Variants in NCALD observed in about 807,000 individuals in gnomAD.
The protein encoded by NCALD is neurocalcin delta, also known as neurocalcin-delta.
In NCALD, 10 loss-of-function variants were observed where a neutral mutation model predicts 18.6. That is an observed-to-expected ratio of 0.54 (90% CI 0.33 to 0.91). NCALD has a LOEUF of 0.91. NCALD is among the 40% of genes least tolerant of loss of function. NCALD has a pLI of 0.03. For synonymous variants in NCALD, 88 were observed against 87.4 expected (o/e 1.01, Z -0.04); for missense variants, 184 against 247.6 (o/e 0.74, Z 1.72).
chr8:101,925,788 G>A (rs978090329), intron 2 of NCALD, among the ~76,000 whole-genome samples: 1 of 152,146 alleles, frequency 6.6e-6, no homozygotes, highest in Non-Finnish European at 1.5e-5. Flanking sequence ...TTGACTAAAT[G>A]AATGCATGAG....
chr8:101,981,812 C>T (rs975912402), intron 2 of NCALD, among the ~76,000 whole-genome samples: 4 of 152,144 alleles, frequency 2.6e-5, no homozygotes, highest in African/African-American at 7.2e-5. Flanking sequence ...GGGTAGTTCA[C>T]GTCCTTATTT....
chr8:101,951,138 G>T (rs1819402066), intron 2 of NCALD, among the ~76,000 whole-genome samples: 1 of 152,114 alleles, frequency 6.6e-6, no homozygotes, highest in African/African-American at 2.4e-5. Flanking sequence ...TAGGTCACAG[G>T]TAGCAATATA....
chr8:101,804,317 A>C lies in NCALD; in HGVS notation c.-20+82824T>G, dbSNP rs571883677. On this transcript the variant is annotated intron_variant, in intron 4 of 6. Coordinates refer to the NCALD transcript ENST00000311028. ...TATTATATATAATTATATCAATTAT[A>C]TATTATATATAATTATATCAATTAT... Among the ~76,000 whole-genome samples, 5 of 103,360 alleles carry C rather than the reference A, an allele frequency of 4.8e-5. No individual in the cohort carries two copies. In the East Asian group the frequency reaches 1.3e-3, roughly 28 times the overall value. 67.8% of individuals were successfully genotyped at this position (103,360 alleles called of 152,430 possible).
At chr8:101,725,412 C>T (rs1351852418) in intron 1 of NCALD, among the ~76,000 whole-genome samples, 1 of 152,182 alleles carries the variant, frequency 6.6e-6, no homozygotes, top group Non-Finnish European at 1.5e-5. Flanking sequence ...TTCCAGCTTC[C>T]CTTCTGGTGA....
At chr8:101,745,867 A>G (rs1253264268) in intron 1 of NCALD, 6 of 152,346 alleles carry the variant, frequency 3.9e-5, no homozygotes, top group South Asian at 2.1e-4. Context: ...GTTTAGGGAG[A>G]TTAAATAATT....
chr8:101,822,377 T>C (rs929302568), intron 4 of NCALD, among the ~76,000 whole-genome samples: 4 of 152,144 alleles, frequency 2.6e-5, no homozygotes, highest in Non-Finnish European at 5.9e-5. Context: ...CACCTCTTCA[T>C]GAAGGAGAGA....
At chr8:101,932,617 C>T (rs903177308) in intron 2 of NCALD, among the ~76,000 whole-genome samples, 3 of 152,006 alleles carry the variant, frequency 2.0e-5, no homozygotes, top group East Asian at 1.9e-4. Flanking sequence ...CAAGAGTACA[C>T]GAGAGAAAAA....
chr8:102,031,632 A>G (rs1822674039), intron 1 of NCALD, among the ~76,000 whole-genome samples: 1 of 152,350 alleles, frequency 6.6e-6, no homozygotes, highest in South Asian at 2.1e-4. Flanking sequence ...TATCTCCATC[A>G]GGCTCCTTGA....
intron 3 of NCALD, among the ~76,000 whole-genome samples, chr8:101,909,298 T>G (rs985829453): frequency 2.6e-5 from 4 of 152,216 alleles, no homozygotes; most frequent in African/African-American, 9.6e-5. Context: ...TTTTCAGCAC[T>G]CCTCAGCAGG....
intron 2 of NCALD, among the ~76,000 whole-genome samples, chr8:101,926,689 C>G (rs1360514489): frequency 6.6e-6 from 1 of 152,294 alleles, no homozygotes; most frequent in East Asian, 1.9e-4. Flanking sequence ...CTCTTCTCCC[C>G]ACTTAGGCTC....
Position 101,988,156 on chromosome 8 carries a change from AAAAAAAAAAAAG to A in NCALD, c.-157+32069_-157+32080del, listed in dbSNP as rs1190748442. On this transcript the variant is annotated intron_variant, in intron 2 of 6. Coordinates refer to the NCALD transcript ENST00000311028. ...GGCGAAACAGCGAGACTCCGTCTCA[AAAAAAAAAAAAG>A]AAAAAAAAAAAGAAAAGAAAAGAAA... Among the ~76,000 whole-genome samples, 308 of 123,630 alleles carry A rather than the reference AAAAAAAAAAAAG, an allele frequency of 2.5e-3. 1 individual carries two copies. Among genetic ancestry groups the A allele is most frequent in the Admixed American group, 9.2e-3 (112 of 12,138 alleles). The allele number at this position is 123,630 out of a possible 152,430, so 81.1% of individuals were successfully genotyped here.
At chr8:101,753,603 C>A (rs1810750099) in intron 1 of NCALD, among the ~76,000 whole-genome samples, 1 of 152,148 alleles carries the variant, frequency 6.6e-6, no homozygotes, top group Non-Finnish European at 1.5e-5. Context: ...TGGGAAGGGA[C>A]TTGGGATCCA....
intron 2 of NCALD, chr8:101,693,098 C>A: frequency 2.1e-6 from 1 of 469,064 alleles, no homozygotes; most frequent in Non-Finnish European, 3.9e-6. Context: ...CCAGTGAGGA[C>A]CTTCAGGAGG....
intron 2 of NCALD, among the ~76,000 whole-genome samples, chr8:101,712,412 T>C (rs1354662917): frequency 6.6e-6 from 1 of 152,012 alleles, no homozygotes; most frequent in Non-Finnish European, 1.5e-5. Context: ...ATAACAATAA[T>C]AATCTTAAAT....
At chr8:102,075,770 T>C (rs1824323992) in intron 1 of NCALD, among the ~76,000 whole-genome samples, 1 of 152,032 alleles carries the variant, frequency 6.6e-6, no homozygotes, top group Non-Finnish European at 1.5e-5. Context: ...CTGGCCAAGA[T>C]GGTGAAACTT....
At chr8:101,822,553 T>C (rs959833649) in intron 4 of NCALD, among the ~76,000 whole-genome samples, 4 of 152,108 alleles carry the variant, frequency 2.6e-5, no homozygotes, top group Non-Finnish European at 5.9e-5. Context: ...GGAGAAACCA[T>C]TGTTCTTCTC....
chr8:102,058,720 C>T (rs575577006), intron 1 of NCALD, among the ~76,000 whole-genome samples: 1 of 152,310 alleles, frequency 6.6e-6, no homozygotes, highest in East Asian at 1.9e-4. Flanking sequence ...TGAAGATGCC[C>T]CATGGCCTAA....
At chr8:102,052,027 A>G (rs934762813) in intron 1 of NCALD, among the ~76,000 whole-genome samples, 1 of 152,234 alleles carries the variant, frequency 6.6e-6, no homozygotes, top group African/African-American at 2.4e-5. Flanking sequence ...TTTTCCATCT[A>G]CAAAGAAGCT....
At chr8:101,925,987 C>T (rs1563902427) in intron 2 of NCALD, among the ~76,000 whole-genome samples, 1 of 152,190 alleles carries the variant, frequency 6.6e-6, no homozygotes, top group South Asian at 2.1e-4. Context: ...GGAATCCAGG[C>T]AGTTGTGTCT....
Sources: gnomAD v4.1 joint callset for allele counts (sites outside exome capture counted in the v4.1 genomes callset) on GRCh38, gnomAD v4.1.1 for gene constraint, MANE v1.5 for transcripts, NCBI Gene and HGNC (gene_info 2026-07-23, HGNC 2026-07-21) for gene names.